HIVEP2: variants seen among roughly 807,000 people sequenced by gnomAD.
The protein encoded by HIVEP2 is transcription factor HIVEP2.
HIVEP2 carries 14 observed loss-of-function variants against 180.7 expected under a neutral mutation model. The observed-to-expected ratio is 0.08, with a 90% CI of 0.05 to 0.12. The LOEUF is 0.12. Among genes scored for constraint, HIVEP2 ranks in the 10% least tolerant of loss-of-function variants. The probability of loss-of-function intolerance (pLI) is 1.00; values close to 1 mark genes in which losing one functional copy is unlikely to be tolerated. For missense variants in HIVEP2, 2,579 were observed against 3,008.5 expected, an observed-to-expected ratio of 0.86 and a Z score of 3.34; for synonymous variants, 1,184 against 1,136.4, an observed-to-expected ratio of 1.04 and a Z score of -0.84.
intron 1 of HIVEP2, among the ~76,000 whole-genome samples, chr6:142,939,231 A>G (rs1297808177): frequency 1.3e-5 from 2 of 152,150 alleles, no homozygotes; most frequent in Non-Finnish European, 2.9e-5. Context: ...AAACACATCA[A>G]TTAACAGAGT....
chr6:142,904,159 G>A (rs988510530), intron 1 of HIVEP2, among the ~76,000 whole-genome samples: 2 of 152,022 alleles, frequency 1.3e-5, no homozygotes, highest in South Asian at 2.1e-4. Flanking sequence ...ATTTCAACTC[G>A]TATTTGGCAA....
chr6:142,795,112 T>C (rs1430156983), intron 2 of HIVEP2, among the ~76,000 whole-genome samples: 1 of 152,208 alleles, frequency 6.6e-6, no homozygotes, highest in Non-Finnish European at 1.5e-5. Context: ...AATTTTTATA[T>C]TCCTCACACA....
At chr6:142,875,547 T>C (rs1776413518) in intron 1 of HIVEP2, among the ~76,000 whole-genome samples, 1 of 152,186 alleles carries the variant, frequency 6.6e-6, no homozygotes. Flanking sequence ...GGACAGATGC[T>C]GGTGGCTTGG....
At chr6:142,884,541 T>A (rs1776650944) in intron 1 of HIVEP2, among the ~76,000 whole-genome samples, 1 of 152,124 alleles carries the variant, frequency 6.6e-6, no homozygotes, top group Non-Finnish European at 1.5e-5. Context: ...CATTCACACC[T>A]AGAATGATGT....
chr6:142,902,855 G>A (rs1484730643), intron 1 of HIVEP2, among the ~76,000 whole-genome samples: 1 of 152,124 alleles, frequency 6.6e-6, no homozygotes, highest in East Asian at 1.9e-4. Context: ...CTCTTGGCTG[G>A]GTGACAGCAA....
intron 1 of HIVEP2, among the ~76,000 whole-genome samples, chr6:142,840,185 A>C (rs1775327585): frequency 6.6e-6 from 1 of 152,148 alleles, no homozygotes; most frequent in Admixed American, 6.5e-5. Flanking sequence ...GAAATCAAGA[A>C]TACCTTGACA....
chr6:142,859,571 T>C (rs1562267939), intron 1 of HIVEP2, among the ~76,000 whole-genome samples: 1 of 151,580 alleles, frequency 6.6e-6, no homozygotes. Context: ...CGGTGGCTCA[T>C]GTCAGTAATC....
chr6:142,891,723 C>A (rs1157619805), intron 1 of HIVEP2, among the ~76,000 whole-genome samples: 2 of 152,210 alleles, frequency 1.3e-5, no homozygotes, highest in African/African-American at 4.8e-5. Context: ...ACAGATACCA[C>A]CTAGCTTTTA....
At chr6:142,935,457 G>A (rs1778029897) in intron 1 of HIVEP2, among the ~76,000 whole-genome samples, 1 of 152,180 alleles carries the variant, frequency 6.6e-6, no homozygotes, top group Non-Finnish European at 1.5e-5. Flanking sequence ...GCTGAGGTGG[G>A]AGGATCGTTT....
At chr6:142,822,451 T>C (rs1454460765) in intron 2 of HIVEP2, among the ~76,000 whole-genome samples, 3 of 152,270 alleles carry the variant, frequency 2.0e-5, no homozygotes, top group African/African-American at 7.2e-5. Context: ...CTTTGAGATA[T>C]GAATCACAAT....
chr6:142,868,318 T>G (rs540776972), intron 1 of HIVEP2, among the ~76,000 whole-genome samples: 1 of 152,308 alleles, frequency 6.6e-6, no homozygotes, highest in Admixed American at 6.5e-5. Flanking sequence ...TTCCTCTGAT[T>G]GGCTAAAGCT....
chr6:142,918,180 CTATT>C (rs1299874708), intron 1 of HIVEP2, among the ~76,000 whole-genome samples: 2 of 152,056 alleles, frequency 1.3e-5, no homozygotes, highest in Admixed American at 6.5e-5. Context: ...CTTTGCCTCC[CTATT>C]TATTTTTCCC....
At chr6:142,865,172 T>C (rs1004982583) in intron 1 of HIVEP2, among the ~76,000 whole-genome samples, 1 of 152,198 alleles carries the variant, frequency 6.6e-6, no homozygotes, top group African/African-American at 2.4e-5. Flanking sequence ...TTCTGAATGA[T>C]TCCAGATATC....
In HIVEP2 at chr6:142,752,987, T is replaced by C. The variant is rs1418118926; in HGVS notation, c.*120A>G. ...TCTTTTGATATAACAAAAGTATATATAATAGCAAACTACTGTAACTTAGGA... is the reference window on the plus strand; with the variant it reads ...TCTTTTGATATAACAAAAGTATATACAATAGCAAACTACTGTAACTTAGGA... On this transcript the variant is annotated 3_prime_UTR_variant, in exon 10 of 10. Coordinates refer to ENST00000367603, the MANE Select transcript of HIVEP2 (RefSeq NM_006734.4). 9 of 669,444 alleles carry C rather than the reference T, an allele frequency of 1.3e-5. No individual in the cohort carries two copies. Among genetic ancestry groups the C allele is most frequent in the Middle Eastern group, 2.7e-4 (1 of 3,676 alleles). The allele number at this position is 669,444 out of a possible 1,614,324, so 41.5% of individuals were successfully genotyped here.
At chr6:142,812,265 C>A (rs190023079) in intron 2 of HIVEP2, among the ~76,000 whole-genome samples, 19 of 152,324 alleles carry the variant, frequency 1.2e-4, no homozygotes, top group Non-Finnish European at 2.4e-4. Context: ...CAGGGAAAAA[C>A]CACCTGAAAG....
chr6:142,939,148 C>A (rs902242671), intron 1 of HIVEP2, among the ~76,000 whole-genome samples: 1 of 151,918 alleles, frequency 6.6e-6, no homozygotes, highest in Admixed American at 6.6e-5. Context: ...AAATTGACAA[C>A]CTGTCATACA....
At chr6:142,806,918 G>A (rs1306380417) in intron 2 of HIVEP2, among the ~76,000 whole-genome samples, 1 of 152,146 alleles carries the variant, frequency 6.6e-6, no homozygotes, top group Non-Finnish European at 1.5e-5. Context: ...AGCTGGCATT[G>A]GAACTAGGTA....
At chr6:142,925,812 C>A (rs1430025681) in intron 1 of HIVEP2, among the ~76,000 whole-genome samples, 2 of 152,168 alleles carry the variant, frequency 1.3e-5, no homozygotes, top group East Asian at 3.8e-4. Flanking sequence ...TTGAGGTTTA[C>A]TAGAAACTAC....
intron 2 of HIVEP2, among the ~76,000 whole-genome samples, chr6:142,833,446 A>C (rs1023168403): frequency 2.0e-5 from 3 of 152,222 alleles, no homozygotes; most frequent in African/African-American, 7.2e-5. Flanking sequence ...TGAAGGAGAC[A>C]GGAAGGATAG....
Sources: allele counts gnomAD v4.1 joint callset (sites outside exome capture counted in the v4.1 genomes callset), GRCh38; gene constraint gnomAD v4.1.1; transcripts MANE v1.5; gene names NCBI Gene and HGNC (gene_info 2026-07-23, HGNC 2026-07-21).